Variants in CAMK1D observed in about 807,000 individuals in gnomAD.
The protein encoded by CAMK1D is calcium/calmodulin-dependent protein kinase type 1D.
In CAMK1D, 9 loss-of-function variants were observed where a neutral mutation model predicts 47.7. The ratio of observed to expected loss-of-function variants is 0.19; its 90% CI spans 0.11 to 0.33. The LOEUF (loss-of-function observed/expected upper bound fraction) is 0.33. Ranked by LOEUF, CAMK1D falls within the 10% of genes least tolerant of loss-of-function variation. The pLI is 1.00. For synonymous variants in CAMK1D, 184 were observed against 184.9 expected, an observed-to-expected ratio of 0.99 and a Z score of 0.04; for missense variants, 291 against 488.7, an observed-to-expected ratio of 0.60 and a Z score of 3.81.
At chr10:12,471,512 C>T (rs767890965) in intron 1 of CAMK1D, among the ~76,000 whole-genome samples, 14 of 152,180 alleles carry the variant, frequency 9.2e-5, no homozygotes, top group Non-Finnish European at 5.9e-5. Context: ...AGCCTAAAAC[C>T]TGAGGAGGAA....
chr10:12,778,027 G>A (rs558805137), intron 5 of CAMK1D, among the ~76,000 whole-genome samples: 21 of 152,218 alleles, frequency 1.4e-4, no homozygotes, highest in Non-Finnish European at 2.4e-4. Flanking sequence ...GCCTAGCATG[G>A]TGTCTTTGTA....
intron 6 of CAMK1D, among the ~76,000 whole-genome samples, chr10:12,812,330 C>T (rs574408975): frequency 4.2e-4 from 64 of 152,298 alleles, no homozygotes; most frequent in African/African-American, 1.5e-3. Flanking sequence ...GAGCTCCCAC[C>T]ATGGGCCGGG....
rs923658444 is a variant in CAMK1D at position 12,670,986 on chromosome 10, A to G, written c.299+4176A>G. Among the ~76,000 whole-genome samples, 93 of 152,316 alleles carry G rather than the reference A, an allele frequency of 6.1e-4. 1 individual carries two copies. The highest frequency in any genetic ancestry group is 2.1e-3 in the African/African-American group (89 of 41,566). On this transcript the variant is annotated intron_variant, in intron 3 of 10. Transcript: ENST00000619168. ...TTCCTCCCTCCCTTAGTCTCTTGCA[A>G]CTACTTATCTTTGGTCCCTATGGAT...
At position 12,824,478 on chromosome 10, in the gene CAMK1D, A is replaced by G; in HGVS notation, c.847A>G (p.Thr283Ala). 2 of 1,614,112 alleles carry G rather than the reference A, an allele frequency of 1.2e-6. No individual in the cohort carries two copies. The highest frequency in any genetic ancestry group is 2.2e-5 in the East Asian group (1 of 44,874). ...AARHPWIAGD[T>A]ALNKNIHESV... is the part of the protein sequence containing the mutation. ...CCTCTGTTTCAGGATCGCTGGTGAC[A>G]CAGCCCTCAACAAAAACATCCACGA... Residue 283 changes from threonine (T) to alanine (A), a missense_variant, in exon 9 of 11, where the codon ACA becomes GCA. Thr to Ala is a moderately conservative substitution (Grantham distance 58, BLOSUM62 0). Coordinates refer to ENST00000619168, the MANE Select transcript of CAMK1D (RefSeq NM_153498.4).
At chr10:12,496,441 TG>T (rs1834541858) in intron 1 of CAMK1D, among the ~76,000 whole-genome samples, 1 of 151,978 alleles carries the variant, frequency 6.6e-6, no homozygotes, top group South Asian at 2.1e-4. Context: ...TGGTCCTAAA[TG>T]GGGGCCTCCA....
chr10:12,408,020 G>C (rs1839507057), intron 1 of CAMK1D, among the ~76,000 whole-genome samples: 1 of 152,018 alleles, frequency 6.6e-6, no homozygotes, highest in African/African-American at 2.4e-5. Flanking sequence ...ACCACGCCCA[G>C]CTAATTTTTA....
At chr10:12,421,452 G>A (rs1022018544) in intron 1 of CAMK1D, among the ~76,000 whole-genome samples, 3 of 148,154 alleles carry the variant, frequency 2.0e-5, no homozygotes, top group Admixed American at 6.8e-5. Context: ...CTGTTTCAGT[G>A]TGGCTCTTGC....
intron 1 of CAMK1D, among the ~76,000 whole-genome samples, chr10:12,456,128 A>G (rs1485580320): frequency 6.6e-6 from 1 of 152,214 alleles, no homozygotes; most frequent in Non-Finnish European, 1.5e-5. Context: ...ACTGTGAAAA[A>G]GTCATGAATT....
intron 3 of CAMK1D, among the ~76,000 whole-genome samples, chr10:12,740,473 C>T (rs1361304915): frequency 2.0e-5 from 3 of 152,170 alleles, no homozygotes; most frequent in African/African-American, 7.2e-5. Flanking sequence ...TGGCAAGTGC[C>T]TGTAGTCCCA....
intron 3 of CAMK1D, among the ~76,000 whole-genome samples, chr10:12,698,153 A>G (rs1422062154): frequency 2.6e-5 from 4 of 152,244 alleles, no homozygotes; most frequent in African/African-American, 9.6e-5. Flanking sequence ...CTGCAGAAAC[A>G]TAATACTTGC....
intron 2 of CAMK1D, among the ~76,000 whole-genome samples, chr10:12,612,773 C>T (rs1320729479): frequency 1.3e-5 from 2 of 152,130 alleles, no homozygotes; most frequent in Non-Finnish European, 2.9e-5. Flanking sequence ...TTTTTCAAAA[C>T]ACCTAGAGAC....
chr10:12,425,504 A>G (rs1162050320), intron 1 of CAMK1D, among the ~76,000 whole-genome samples: 1 of 148,952 alleles, frequency 6.7e-6, no homozygotes, highest in Non-Finnish European at 1.5e-5. Context: ...CTTGTCTTGA[A>G]CTCCTGACCT....
In CAMK1D at chr10:12,515,397, C is replaced by CTTT. The variant is rs764952111; in HGVS notation, c.93-37826_93-37824dup. Among the ~76,000 whole-genome samples, 230 of 111,668 alleles carry CTTT rather than the reference C, an allele frequency of 2.1e-3. 4 individuals are homozygous for CTTT. The highest frequency in any genetic ancestry group is 7.6e-3 in the African/African-American group (212 of 27,982). The allele number at this position is 111,668 out of a possible 152,430, so 73.3% of individuals were successfully genotyped here. On this transcript the variant is annotated intron_variant, in intron 1 of 10. Transcript: ENST00000619168. ...ATAGTTCGCTTTGCCTATAGTTTTCCTTTTCTTTTTTTTTTTTTTTCTTTT... is the reference window on the plus strand; with the variant it reads ...ATAGTTCGCTTTGCCTATAGTTTTCCTTTTTTTCTTTTTTTTTTTTTTTCTTTT...
At chr10:12,778,381 C>T (rs542584001) in intron 5 of CAMK1D, among the ~76,000 whole-genome samples, 2 of 152,196 alleles carry the variant, frequency 1.3e-5, no homozygotes, top group Non-Finnish European at 2.9e-5. Context: ...ATTGTACACA[C>T]CCTTTGCAAG....
chr10:12,420,992 A>G (rs1377283403), intron 1 of CAMK1D, among the ~76,000 whole-genome samples: 8 of 152,286 alleles, frequency 5.3e-5, no homozygotes, highest in Admixed American at 3.9e-4. Context: ...ATGCCAGAGA[A>G]GTCCTTCTTG....
At chr10:12,479,803 CAGG>C (rs1464318238) in intron 1 of CAMK1D, among the ~76,000 whole-genome samples, 3 of 152,164 alleles carry the variant, frequency 2.0e-5, no homozygotes, top group Non-Finnish European at 4.4e-5. Context: ...AGGGACGGGG[CAGG>C]AGGAGGAGCC....
At chr10:12,444,299 C>T (rs923594686) in intron 1 of CAMK1D, among the ~76,000 whole-genome samples, 1 of 152,196 alleles carries the variant, frequency 6.6e-6, no homozygotes, top group Middle Eastern at 3.2e-3. Flanking sequence ...GATGGAGTTG[C>T]TCTGGTTCAA....
chr10:12,364,513 G>A (rs567035582), intron 1 of CAMK1D, among the ~76,000 whole-genome samples: 11 of 152,168 alleles, frequency 7.2e-5, no homozygotes, highest in Middle Eastern at 3.4e-3. Context: ...GAAGTACTAG[G>A]ATTACAGGCC....
At chr10:12,466,007 C>T (rs1833577493) in intron 1 of CAMK1D, among the ~76,000 whole-genome samples, 1 of 152,160 alleles carries the variant, frequency 6.6e-6, no homozygotes, top group Non-Finnish European at 1.5e-5. Context: ...GAGTTAGCCT[C>T]AGTTTCTTCA....
Sources: allele counts gnomAD v4.1 joint callset (sites outside exome capture counted in the v4.1 genomes callset), GRCh38; gene constraint gnomAD v4.1.1; transcripts MANE v1.5; gene names NCBI Gene and HGNC (gene_info 2026-07-23, HGNC 2026-07-21).